Variants in NELL1 observed in about 807,000 individuals in gnomAD.
NELL1 encodes the protein neural EGFL like 1.
A neutral mutation model predicts 107.4 loss-of-function variants in NELL1; 76 were observed. The observed-to-expected ratio is 0.71, with a 90% CI of 0.59 to 0.86. The LOEUF is 0.86. Ranked by LOEUF, NELL1 falls within the 40% of genes least tolerant of loss-of-function variation. The pLI is 0.00. For synonymous variants in NELL1, 353 were observed against 341.2 expected (o/e 1.03, Z -0.38); for missense variants, 1,024 against 1,005.5 (o/e 1.02, Z -0.25).
At chr11:21,220,459 T>G (rs1017678285) in intron 13 of NELL1, among the ~76,000 whole-genome samples, 1 of 152,222 alleles carries the variant, frequency 6.6e-6, no homozygotes, top group Non-Finnish European at 1.5e-5. Context: ...TAGATCACTT[T>G]GAAGAGTATG....
rs895411298 is a variant in NELL1 at position 21,169,733 on chromosome 11, A to C, written c.1426+56019A>C. 11 of 866,450 alleles carry C rather than the reference A, an allele frequency of 1.3e-5. No individual in the cohort carries two copies. In the African/African-American group the frequency reaches 1.7e-4, roughly 14 times the overall value. The allele number at this position is 866,450 out of a possible 1,614,324, so 53.7% of individuals were successfully genotyped here. A position where few individuals can be genotyped will look rare whatever the true frequency, so the allele number is the denominator to read the frequency against. ...GTCATCTTTTGGCACAGAAGTAGTC[A>C]TGTGACCAGTCTGACTCCTAGGCAT... On this transcript the variant is annotated intron_variant, in intron 13 of 19. Coordinates refer to ENST00000357134, the MANE Select transcript of NELL1 (RefSeq NM_006157.5).
At chr11:21,073,911 T>C (rs1854074317) in intron 12 of NELL1, among the ~76,000 whole-genome samples, 1 of 152,138 alleles carries the variant, frequency 6.6e-6, no homozygotes, top group Admixed American at 6.6e-5. Flanking sequence ...TAAAGAGGCT[T>C]CTTTTAGGCA....
intron 4 of NELL1, among the ~76,000 whole-genome samples, chr11:20,870,907 T>C (rs1849183449): frequency 1.3e-5 from 2 of 152,174 alleles, no homozygotes; most frequent in Non-Finnish European, 2.9e-5. Flanking sequence ...CCAAACTAAA[T>C]GAATAATTCG....
Position 20,799,659 on chromosome 11 carries a change from G to GTGTATGTATGTA in NELL1, c.335+15843_335+15854dup, listed in dbSNP as rs55778551. ...TGGAGACAGCCAGAAGTATGTATGT[G>GTGTATGTATGTA]TGTATGTATGTATGTATGTATGTAT... On this transcript the variant is annotated intron_variant, in intron 3 of 19. Transcript: ENST00000357134. 1.6e-3 allele frequency among the ~76,000 whole-genome samples: 242 copies of GTGTATGTATGTA among 151,052 alleles called. 1 individual carries two copies. Among genetic ancestry groups the GTGTATGTATGTA allele is most frequent in the African/African-American group, 5.7e-3 (232 of 40,984 alleles).
intron 16 of NELL1, among the ~76,000 whole-genome samples, chr11:21,538,905 T>C (rs964667191): frequency 3.3e-5 from 5 of 152,172 alleles, no homozygotes; most frequent in African/African-American, 1.2e-4. Flanking sequence ...TCATATACTT[T>C]GCATGGATAC....
chr11:21,113,559 C>G (rs371264222), intron 12 of NELL1, 30 bp from the exon 13 acceptor site: 1 of 1,600,822 alleles, frequency 6.2e-7, no homozygotes, highest in African/African-American at 1.3e-5. Context: ...ATTTTGCTAA[C>G]CATGATCTTA....
chr11:20,864,536 A>G (rs1378641100), intron 4 of NELL1, among the ~76,000 whole-genome samples: 1 of 152,186 alleles, frequency 6.6e-6, no homozygotes, highest in Non-Finnish European at 1.5e-5. Flanking sequence ...GGGAAAGAGT[A>G]TGAGTGGGTC....
chr11:20,746,725 T>G (rs553583213), intron 2 of NELL1, among the ~76,000 whole-genome samples: 9 of 152,336 alleles, frequency 5.9e-5, no homozygotes, highest in Middle Eastern at 3.4e-3. Flanking sequence ...ATTTTTAGAC[T>G]GTTTTCTCAG....
At chr11:20,897,542 G>T (rs1352152587) in intron 5 of NELL1, among the ~76,000 whole-genome samples, 3 of 152,120 alleles carry the variant, frequency 2.0e-5, no homozygotes, top group Non-Finnish European at 4.4e-5. Flanking sequence ...AAAAGCAATG[G>T]CAACAAAAGC....
intron 12 of NELL1, among the ~76,000 whole-genome samples, chr11:20,963,080 T>C (rs1157519267): frequency 6.6e-6 from 1 of 152,106 alleles, no homozygotes; most frequent in Non-Finnish European, 1.5e-5. Flanking sequence ...TGAACTTTGA[T>C]CTTTGGGCCT....
intron 2 of NELL1, among the ~76,000 whole-genome samples, chr11:20,725,205 G>A (rs1308488888): frequency 6.6e-6 from 1 of 152,194 alleles, no homozygotes; most frequent in African/African-American, 2.4e-5. Context: ...CATGCAGTAA[G>A]GGAGGAAGGG....
chr11:21,355,814 C>T (rs1305831653), intron 14 of NELL1, among the ~76,000 whole-genome samples: 4 of 152,166 alleles, frequency 2.6e-5, no homozygotes, highest in African/African-American at 7.2e-5. Context: ...CCATTCTTGA[C>T]CTTCTGGTCA....
intron 3 of NELL1, among the ~76,000 whole-genome samples, chr11:20,801,903 A>C (rs2134003053): frequency 6.6e-6 from 1 of 152,086 alleles, no homozygotes; most frequent in East Asian, 1.9e-4. Flanking sequence ...AGATGTATGA[A>C]TTTGTTCTTG....
intron 12 of NELL1, among the ~76,000 whole-genome samples, chr11:21,005,276 G>A (rs72939967): frequency 0.017 from 2,647 of 152,274 alleles, 53 homozygotes; most frequent in Middle Eastern, 0.051. Flanking sequence ...TATGTCCAGA[G>A]CATTGTAGAC....
rs1856552975 is a variant in NELL1 at position 21,550,492 on chromosome 11, TA to T, written c.1787-9695del. ...CTTTTAGGTCTAATGTTTAAGTCTT[TA>T]ATCCATCTTGAATTCATTTTTGTAT... On this transcript the variant is annotated intron_variant, in intron 16 of 19. Coordinates refer to ENST00000357134, the MANE Select transcript of NELL1 (RefSeq NM_006157.5). Among the ~76,000 whole-genome samples the T allele has an allele frequency of 3.3e-5, 5 of 152,232 alleles. No individual in the cohort carries two copies. The South Asian group carries it at 1.0e-3, about 32-fold the overall frequency.
intron 15 of NELL1, among the ~76,000 whole-genome samples, chr11:21,432,746 A>G (rs1167150194): frequency 1.3e-5 from 2 of 152,184 alleles, no homozygotes; most frequent in African/African-American, 4.8e-5. Flanking sequence ...ACACATAATA[A>G]TTATACTTAT....
chr11:21,573,328 C>A lies in NELL1; in HGVS notation c.2301C>A (p.Cys767Ter). 1.2e-6 allele frequency: 2 copies of A among 1,612,458 alleles called. 1 individual carries two copies. Among genetic ancestry groups the A allele is most frequent in the Middle Eastern group, 3.3e-4 (2 of 6,044 alleles). The change falls in exon 19 of 20, where the codon TGC (cysteine) becomes TGA (stop). Residue 767 changes from cysteine to a stop codon, truncating the protein, a stop_gained. Transcript: ENST00000357134. LOFTEE classifies it high-confidence loss of function. ...TCACCTATGACATCAGAAAAACTTG[C>A]CTGGACAGCTATGGTGTTTCACGGC... ...DNITYDIRKTCLDSYGVSRLS... is the reference protein window; with the variant it reads ...DNITYDIRKT
At chr11:20,900,919 CA>C (rs1305300191) in intron 5 of NELL1, among the ~76,000 whole-genome samples, 3 of 151,918 alleles carry the variant, frequency 2.0e-5, no homozygotes, top group Non-Finnish European at 4.4e-5. Context: ...AGAAGAAATT[CA>C]ATACTGACTC....
chr11:21,169,263 A>G (rs560474669), intron 13 of NELL1, among the ~76,000 whole-genome samples: 1 of 151,826 alleles, frequency 6.6e-6, no homozygotes, highest in African/African-American at 2.4e-5. Context: ...CACACAGGGT[A>G]CTCTCCTGTT....
Sources: gnomAD v4.1 joint callset for allele counts (sites outside exome capture counted in the v4.1 genomes callset) on GRCh38, gnomAD v4.1.1 for gene constraint, MANE v1.5 for transcripts, NCBI Gene and HGNC (gene_info 2026-07-23, HGNC 2026-07-21) for gene names.